Variants in MGA observed in about 807,000 individuals in gnomAD.
MGA encodes MAX gene-associated protein.
A neutral mutation model predicts 261.1 loss-of-function variants in MGA; 40 were observed. The observed-to-expected ratio is 0.15, with a 90% CI of 0.12 to 0.20. The LOEUF (loss-of-function observed/expected upper bound fraction) is 0.20, where lower values mean the gene tolerates loss of function less well. MGA is among the 10% of genes least tolerant of loss of function. MGA has a pLI of 1.00. For synonymous variants in MGA, 1,302 were observed against 1,290.6 expected (o/e 1.01, Z -0.19); for missense variants, 3,397 against 3,630.5 (o/e 0.94, Z 1.65).
intron 2 of MGA, among the ~76,000 whole-genome samples, chr15:41,687,610 G>C (rs1012965182): frequency 3.3e-5 from 5 of 151,962 alleles, no homozygotes; most frequent in Non-Finnish European, 5.9e-5. Context: ...ACTACTTTAG[G>C]TACATTCTAC....
At chr15:41,625,740 T>C (rs1037513747) in intron 1 of MGA, among the ~76,000 whole-genome samples, 31 of 151,978 alleles carry the variant, frequency 2.0e-4, no homozygotes, top group Admixed American at 7.9e-4. Flanking sequence ...TAAAAATAAA[T>C]AAATACGGTG....
At chr15:41,717,022 T>C (rs980757045) in intron 9 of MGA, among the ~76,000 whole-genome samples, 6 of 152,186 alleles carry the variant, frequency 3.9e-5, no homozygotes, top group Non-Finnish European at 7.3e-5. Flanking sequence ...TTCAACCTTA[T>C]ATGATAAGGA....
In MGA at chr15:41,692,774, C is replaced by T. The variant is rs570809697; in HGVS notation, c.1065-3301C>T. 5.3e-5 allele frequency among the ~76,000 whole-genome samples: 8 copies of T among 152,198 alleles called. No individual in the cohort carries two copies. The South Asian group carries it at 1.4e-3, about 28-fold the overall frequency. On this transcript the variant is annotated intron_variant, in intron 2 of 23. Transcript: ENST00000219905. ...TCACCCAGGCTGGAGTGCAGTGGTG[C>T]GATCTTGGCTCACTGCAACCTCTGC... is the stretch of plus-strand genomic sequence containing the variant.
chr15:41,628,308 G>C (rs923825655), intron 1 of MGA, among the ~76,000 whole-genome samples: 3 of 150,664 alleles, frequency 2.0e-5, no homozygotes, highest in African/African-American at 7.3e-5. Flanking sequence ...GGGAGGTTGC[G>C]GTGAGCTGAG....
chr15:41,762,051 C>T (rs2063488988), intron 21 of MGA, 78 bp from the exon 22 acceptor site: 35 of 1,237,378 alleles, frequency 2.8e-5, no homozygotes, highest in Non-Finnish European at 4.0e-5. Flanking sequence ...ATAGTTAAAG[C>T]AACTAGATTT....
Position 41,764,711 on chromosome 15 carries a change from T to A in MGA, c.7745-175T>A, listed in dbSNP as rs528859637. ...ACCACACCCGCCTAATTTAAAAAAA[T>A]TTTTCTTGTAGAGATGGAGATGGGG... On this transcript the variant is annotated intron_variant, in intron 22 of 23. Coordinates refer to ENST00000219905, the MANE Select transcript of MGA (RefSeq NM_001164273.2). Among the ~76,000 whole-genome samples the A allele has an allele frequency of 3.2e-3, 492 of 151,716 alleles. 2 individuals are homozygous for A. The highest frequency in any genetic ancestry group is 5.3e-3 in the Non-Finnish European group (360 of 67,976).
At chr15:41,729,389 T>A (rs752508664) in intron 11 of MGA, 40 bp downstream of exon 11, 2 of 1,558,040 alleles carry the variant, frequency 1.3e-6, no homozygotes, top group African/African-American at 2.7e-5. Flanking sequence ...AACTTCTGAT[T>A]ACCTGTTTTT....
At chr15:41,688,017 G>T (rs533544647) in intron 2 of MGA, among the ~76,000 whole-genome samples, 1 of 152,192 alleles carries the variant, frequency 6.6e-6, no homozygotes, top group East Asian at 1.9e-4. Flanking sequence ...TTCTAGGGTT[G>T]TTTATGTTTT....
chr15:41,768,682 C>CAAGA lies in MGA; in HGVS notation c.*1403_*1406dup, dbSNP rs999734013. 26 of 152,738 alleles carry CAAGA rather than the reference C, an allele frequency of 1.7e-4. No individual in the cohort carries two copies. Among genetic ancestry groups the CAAGA allele is most frequent in the African/African-American group, 6.3e-4 (26 of 41,566 alleles). 9.5% of individuals were successfully genotyped at this position (152,738 alleles called of 1,614,324 possible). A position where few individuals can be genotyped will look rare whatever the true frequency, so the allele number is the denominator to read the frequency against. On this transcript the variant is annotated 3_prime_UTR_variant, in exon 24 of 24. Transcript: ENST00000219905. ...TGCTTGTGTTGTTAAAACACTAACA[C>CAAGA]AAGAGCTTCCAGTGCCTGGGCCGTG... is the stretch of plus-strand genomic sequence containing the variant.
chr15:41,653,301 C>G (rs1168975235), intron 1 of MGA, among the ~76,000 whole-genome samples: 1 of 150,784 alleles, frequency 6.6e-6, no homozygotes, highest in African/African-American at 2.4e-5. Flanking sequence ...CCCGGGAGGC[C>G]AAGGTTGCAG....
upstream of MGA, among the ~76,000 whole-genome samples, chr15:41,656,377 T>TCTCTCTCTCCCTCTCTCTCA (rs1555403733): frequency 1.5e-5 from 1 of 68,276 alleles, no homozygotes; most frequent in Admixed American, 2.2e-4. Context: ...TCTCTCTCTC[T>TCTCTCTCTCCCTCTCTCTCA]CACACCCAGG....
intron 15 of MGA, among the ~76,000 whole-genome samples, chr15:41,744,329 G>A (rs565554909): frequency 2.0e-5 from 3 of 152,064 alleles, no homozygotes; most frequent in East Asian, 3.9e-4. Context: ...TCAGCCTCCC[G>A]AGTAGCTGGG....
chr15:41,663,459 C>T (rs1420203155), intron 1 of MGA, among the ~76,000 whole-genome samples: 3 of 149,998 alleles, frequency 2.0e-5, no homozygotes, highest in South Asian at 2.1e-4. Context: ...GAGTAGCCTA[C>T]CCTTTTCTTT....
intron 11 of MGA, among the ~76,000 whole-genome samples, chr15:41,732,586 C>T (rs980215259): frequency 1.3e-5 from 2 of 152,150 alleles, no homozygotes; most frequent in Non-Finnish European, 2.9e-5. Flanking sequence ...TGAACACTTA[C>T]TTATTGTGAG....
intron 11 of MGA, among the ~76,000 whole-genome samples, chr15:41,730,111 C>G (rs2061435335): frequency 6.6e-6 from 1 of 152,100 alleles, no homozygotes; most frequent in African/African-American, 2.4e-5. Flanking sequence ...CCAGGCTGGT[C>G]TCGAACTCCT....
At chr15:41,690,535 A>G (rs912084652) in intron 2 of MGA, among the ~76,000 whole-genome samples, 1 of 151,976 alleles carries the variant, frequency 6.6e-6, no homozygotes, top group African/African-American at 2.4e-5. Flanking sequence ...CTGTTAGTTG[A>G]TCTGTATATC....
intron 2 of MGA, among the ~76,000 whole-genome samples, chr15:41,682,457 T>C (rs907642345): frequency 1.3e-5 from 2 of 152,096 alleles, no homozygotes; most frequent in Non-Finnish European, 2.9e-5. Flanking sequence ...TTACATTTGC[T>C]ATTTTCATAT....
chr15:41,737,331 T>G (rs990975369), intron 13 of MGA, among the ~76,000 whole-genome samples: 5 of 151,648 alleles, frequency 3.3e-5, no homozygotes, highest in Non-Finnish European at 7.4e-5. Context: ...TTTGTTTTTT[T>G]TTTAGTAGAG....
At chr15:41,765,971 T>A in intron 23 of MGA, 33 bp from the exon 24 acceptor site, 1 of 1,566,778 alleles carries the variant, frequency 6.4e-7, no homozygotes, top group Non-Finnish European at 8.7e-7. Context: ...TAGATCTAAA[T>A]GAATTTTTCT....
Sources: gnomAD v4.1 joint callset for allele counts (sites outside exome capture counted in the v4.1 genomes callset) on GRCh38, gnomAD v4.1.1 for gene constraint, MANE v1.5 for transcripts, NCBI Gene and HGNC (gene_info 2026-07-23, HGNC 2026-07-21) for gene names.